The following FBXL13 variants were observed in gnomAD, a reference collection of about 807,000 sequenced individuals.
FBXL13 encodes F-box and leucine-rich repeat protein 13.
FBXL13 carries 67 observed loss-of-function variants against 83.6 expected under a neutral mutation model. The observed-to-expected ratio is 0.80, with a 90% CI of 0.66 to 0.98. FBXL13 has a LOEUF of 0.98. Ranked by LOEUF, FBXL13 falls within the 50% of genes least tolerant of loss-of-function variation. The probability of loss-of-function intolerance (pLI) is 0.00; values close to 1 mark genes in which losing one functional copy is unlikely to be tolerated. For missense variants in FBXL13, 822 were observed against 866.5 expected (o/e 0.95, Z 0.64); for synonymous variants, 272 against 299.5 (o/e 0.91, Z 0.95).
intron 17 of FBXL13, among the ~76,000 whole-genome samples, chr7:102,846,748 G>GAAGCTTAAGAATCGTTCCT (rs61387388): frequency 0.98 from 149,870 of 152,184 alleles, 73,838 homozygotes; most frequent in Non-Finnish European, 1. Context: ...TTGTACTAAG[G>GAAGCTTAAGAATCGTTCCT]AAGCTTAATG....
chr7:102,970,741 G>C (rs2129482020), intron 6 of FBXL13, among the ~76,000 whole-genome samples: 1 of 152,248 alleles, frequency 6.6e-6, no homozygotes, highest in East Asian at 1.9e-4. Context: ...AAACAGGACT[G>C]GGAAGATCTG....
chr7:102,929,634 A>C (rs936043668), intron 9 of FBXL13, among the ~76,000 whole-genome samples: 1 of 143,256 alleles, frequency 7.0e-6, no homozygotes, highest in African/African-American at 2.6e-5. Context: ...ACTGCACTCC[A>C]GCCTGGGCAA....
chr7:102,856,472 T>C (rs1400223697), intron 16 of FBXL13, among the ~76,000 whole-genome samples: 1 of 152,228 alleles, frequency 6.6e-6, no homozygotes, highest in Admixed American at 6.5e-5. Context: ...TTCACTTTTA[T>C]GTAGTCAAGT....
At chr7:102,908,311 C>T (rs1814082934) in intron 11 of FBXL13, among the ~76,000 whole-genome samples, 1 of 152,084 alleles carries the variant, frequency 6.6e-6, no homozygotes, top group African/African-American at 2.4e-5. Context: ...TGAATTTCTT[C>T]TCTGTGTTAT....
intron 16 of FBXL13, among the ~76,000 whole-genome samples, chr7:102,875,529 T>C (rs1809108402): frequency 6.6e-6 from 1 of 152,046 alleles, no homozygotes; most frequent in Non-Finnish European, 1.5e-5. Flanking sequence ...GGGGCCTAAG[T>C]AGATGGGAAC....
chr7:103,051,993 A>G (rs1284035872), intron 2 of FBXL13, among the ~76,000 whole-genome samples: 1 of 152,204 alleles, frequency 6.6e-6, no homozygotes, highest in East Asian at 1.9e-4. Context: ...CAAATACAGA[A>G]GTACAGAGTC....
chr7:102,867,695 A>ATATTTTTTT (rs1239781180), intron 16 of FBXL13, among the ~76,000 whole-genome samples: 2 of 49,076 alleles, frequency 4.1e-5, no homozygotes, highest in African/African-American at 2.5e-4. Flanking sequence ...ATATATATAT[A>ATATTTTTTT]TTTTTTTTTT....
At chr7:103,013,228 G>A (rs560311082) in intron 6 of FBXL13, among the ~76,000 whole-genome samples, 3 of 152,120 alleles carry the variant, frequency 2.0e-5, no homozygotes, top group Non-Finnish European at 2.9e-5. Flanking sequence ...ACAGATCATC[G>A]AGGCAGAAAA....
At chr7:102,813,206 G>T (rs927450575), downstream of FBXL13, 2 of 779,122 alleles carry the variant, frequency 2.6e-6, no homozygotes, top group Non-Finnish European at 4.1e-6. Flanking sequence ...AATATTTGTA[G>T]TTGGAATAAG....
intron 18 of FBXL13, among the ~76,000 whole-genome samples, chr7:102,828,063 C>T (rs1003615102): frequency 2.6e-5 from 4 of 152,292 alleles, no homozygotes; most frequent in African/African-American, 9.6e-5. Context: ...CTTGGCAATG[C>T]GGGCTCTTTT....
intron 8 of FBXL13, among the ~76,000 whole-genome samples, chr7:102,956,708 G>A (rs1261900084): frequency 2.0e-5 from 3 of 152,120 alleles, no homozygotes; most frequent in African/African-American, 7.2e-5. Context: ...AAATCAATGT[G>A]CAAAAATCAC....
chr7:102,812,466 CT>C (rs1430162987), downstream of FBXL13, among the ~76,000 whole-genome samples: 1 of 152,124 alleles, frequency 6.6e-6, no homozygotes, highest in African/African-American at 2.4e-5. Context: ...TAATTTGCCC[CT>C]GACTAAGTCA....
At chr7:102,848,820 G>A (rs977201089) in intron 17 of FBXL13, among the ~76,000 whole-genome samples, 1 of 151,910 alleles carries the variant, frequency 6.6e-6, no homozygotes, top group Admixed American at 6.6e-5. Context: ...CCAACATGGT[G>A]AAGTCGCATT....
intron 2 of FBXL13, among the ~76,000 whole-genome samples, chr7:103,047,595 T>A (rs925578382): frequency 6.6e-6 from 1 of 152,254 alleles, no homozygotes; most frequent in African/African-American, 2.4e-5. Flanking sequence ...TACAAGGAAG[T>A]TTGGTTATTT....
At chr7:102,982,236 C>T (rs1302843556) in intron 6 of FBXL13, among the ~76,000 whole-genome samples, 1 of 151,840 alleles carries the variant, frequency 6.6e-6, no homozygotes. Context: ...CTGGTGTAAA[C>T]ATTCCTCCTT....
intron 2 of FBXL13, among the ~76,000 whole-genome samples, chr7:103,037,352 ACT>A (rs1795173519): frequency 6.6e-6 from 1 of 151,862 alleles, no homozygotes; most frequent in Non-Finnish European, 1.5e-5. Context: ...AATGATTAAA[ACT>A]CCAGCCCCTA....
chr7:102,899,857 G>T (rs1368668926), intron 11 of FBXL13, among the ~76,000 whole-genome samples: 6 of 152,044 alleles, frequency 3.9e-5, no homozygotes, highest in African/African-American at 1.4e-4. Flanking sequence ...GCAACCTGAG[G>T]TTGGGAATTC....
At chr7:102,951,564 T>C (rs945139198) in intron 8 of FBXL13, among the ~76,000 whole-genome samples, 9 of 151,784 alleles carry the variant, frequency 5.9e-5, no homozygotes, top group South Asian at 2.1e-4. Context: ...TCCTAGCATT[T>C]TGGGAGGCTG....
chr7:102,845,420 A>G lies in FBXL13; in HGVS notation c.1719+9357T>C, dbSNP rs185442160. Among the ~76,000 whole-genome samples the G allele has an allele frequency of 5.2e-3, 792 of 152,306 alleles. 6 individuals carry two copies. The highest frequency in any genetic ancestry group is 0.018 in the African/African-American group (741 of 41,556). On this transcript the variant is annotated intron_variant, in intron 17 of 19. Transcript: ENST00000313221. ...GTGCCAGGACTGTGGATAAAGACCA[A>G]GATATATATATTTCCTATAAATCAC...
Sources: allele counts gnomAD v4.1 joint callset (sites outside exome capture counted in the v4.1 genomes callset), GRCh38; gene constraint gnomAD v4.1.1; transcripts MANE v1.5; gene names NCBI Gene and HGNC (gene_info 2026-07-23, HGNC 2026-07-21).